The following DRC8 variants were observed in gnomAD, a reference collection of about 807,000 sequenced individuals.
DRC8 encodes dynein regulatory complex protein 8.
At chr1:245,074,753 T>TCC in the DRC8 span, among the ~76,000 whole-genome samples, 1 of 117,034 alleles carries the variant, frequency 8.5e-6, no homozygotes, top group Non-Finnish European at 1.9e-5. Flanking sequence ...AAAATTTTTG[T>TCC]TTTTAAAGAC....
the DRC8 span, among the ~76,000 whole-genome samples, chr1:245,032,938 T>C: frequency 6.6e-6 from 1 of 151,960 alleles, no homozygotes; most frequent in African/African-American, 2.4e-5. Flanking sequence ...GGAAGATTGC[T>C]TGAGCTTGGG....
chr1:245,103,091 C>G, the DRC8 span, among the ~76,000 whole-genome samples: 5 of 143,392 alleles, frequency 3.5e-5, 1 homozygote, highest in African/African-American at 1.4e-4. Flanking sequence ...AGAGGTGGTC[C>G]TCTATGGTCA....
the DRC8 span, among the ~76,000 whole-genome samples, chr1:245,005,982 T>G: frequency 6.6e-6 from 1 of 152,236 alleles, no homozygotes; most frequent in East Asian, 1.9e-4. Flanking sequence ...GAAAAAGCAT[T>G]ATCACTGGGA....
chr1:245,015,734 G>T, the DRC8 span: 2 of 274,490 alleles, frequency 7.3e-6, no homozygotes, highest in Non-Finnish European at 1.4e-5. Context: ...AAGAAAGAAA[G>T]AATATATCCA....
chr1:244,979,844 GC>G, the DRC8 span, among the ~76,000 whole-genome samples: 2 of 151,734 alleles, frequency 1.3e-5, no homozygotes, highest in African/African-American at 4.8e-5. Flanking sequence ...ACTCAATATG[GC>G]CGAAATTTAG....
the DRC8 span, among the ~76,000 whole-genome samples, chr1:245,040,831 G>A: frequency 6.6e-6 from 1 of 152,178 alleles, no homozygotes; most frequent in Non-Finnish European, 1.5e-5. Flanking sequence ...TTCTTATTAA[G>A]TGTGAGCTTT....
the DRC8 span, among the ~76,000 whole-genome samples, chr1:245,115,563 G>A: frequency 5.6e-3 from 846 of 152,292 alleles, 7 homozygotes; most frequent in African/African-American, 0.02. Context: ...CATTCTTTCA[G>A]TCACTGTCAT....
At chr1:245,072,528 C>T in the DRC8 span, among the ~76,000 whole-genome samples, 4 of 152,190 alleles carry the variant, frequency 2.6e-5, no homozygotes, top group African/African-American at 2.4e-5. Context: ...TGAGCCACCA[C>T]GCCTGGCCTC....
At chr1:245,012,241 A>G in the DRC8 span, among the ~76,000 whole-genome samples, 1 of 152,130 alleles carries the variant, frequency 6.6e-6, no homozygotes, top group African/African-American at 2.4e-5. Flanking sequence ...AGATGGAAGG[A>G]TAAAATTATA....
chr1:244,973,017 T>C, the DRC8 span, among the ~76,000 whole-genome samples: 1 of 152,188 alleles, frequency 6.6e-6, no homozygotes. Context: ...TCTATTACTA[T>C]ATTTGATTGT....
At chr1:245,018,652 G>A in the DRC8 span, among the ~76,000 whole-genome samples, 3 of 152,128 alleles carry the variant, frequency 2.0e-5, no homozygotes, top group African/African-American at 7.2e-5. Context: ...TTCTCCTCCT[G>A]GGGGCGGGGG....
chr1:245,023,521 C>G, the DRC8 span, among the ~76,000 whole-genome samples: 1 of 152,230 alleles, frequency 6.6e-6, no homozygotes, highest in South Asian at 2.1e-4. Context: ...GTTTTCTCCA[C>G]ATCTTTGCCA....
At chr1:244,970,321 T>TCC in the DRC8 span, 4 of 1,308,578 alleles carry the variant, frequency 3.1e-6, 1 homozygote, top group East Asian at 2.8e-5. Flanking sequence ...GAGCGGCCCC[T>TCC]CCTCCAGGCC....
the DRC8 span, among the ~76,000 whole-genome samples, chr1:244,981,532 A>G: frequency 4.2e-3 from 634 of 152,308 alleles, 6 homozygotes; most frequent in African/African-American, 0.012. Context: ...CCCGCTTTCC[A>G]CAAGTAAGGA....
the DRC8 span, among the ~76,000 whole-genome samples, chr1:244,979,292 C>CTTTTTTTTTTTT: frequency 3.9e-5 from 2 of 51,372 alleles, no homozygotes; most frequent in African/African-American, 9.8e-5. Flanking sequence ...CGAAGCTTAT[C>CTTTTTTTTTTTT]TTTTTTTTTT....
chr1:245,084,062 G>C, the DRC8 span, among the ~76,000 whole-genome samples: 32,498 of 76,324 alleles, frequency 0.43, 7,652 homozygotes, highest in Middle Eastern at 0.51. Flanking sequence ...TAAAAATTCC[G>C]CCCCCCCCCC....
the DRC8 span, among the ~76,000 whole-genome samples, chr1:245,055,297 T>G: frequency 6.6e-6 from 1 of 152,130 alleles, no homozygotes; most frequent in Non-Finnish European, 1.5e-5. Flanking sequence ...TTTTAAAAAT[T>G]TATTTTTATT....
At chr1:245,032,646 G>A in the DRC8 span, among the ~76,000 whole-genome samples, 14 of 152,208 alleles carry the variant, frequency 9.2e-5, no homozygotes, top group Admixed American at 3.9e-4. Flanking sequence ...GTTCTGTAAC[G>A]CATACAACAT....
At chr1:244,984,694 G>C in the DRC8 span, among the ~76,000 whole-genome samples, 1 of 152,032 alleles carries the variant, frequency 6.6e-6, no homozygotes, top group Admixed American at 6.6e-5. Context: ...AATGAGCCAG[G>C]TGTGGTGGCA....
Sources: allele counts gnomAD v4.1 joint callset (sites outside exome capture counted in the v4.1 genomes callset), GRCh38; gene constraint gnomAD v4.1.1; transcripts MANE v1.5; gene names NCBI Gene and HGNC (gene_info 2026-07-23, HGNC 2026-07-21).